Variants in PDE3B observed in about 807,000 individuals in gnomAD.
The protein encoded by PDE3B is phosphodiesterase 3B.
PDE3B carries 66 observed loss-of-function variants against 116.8 expected under a neutral mutation model. That is an observed-to-expected ratio of 0.56 (90% CI 0.46 to 0.69). PDE3B has a LOEUF of 0.69. PDE3B is among the 30% of genes least tolerant of loss of function. The pLI, the probability that PDE3B is intolerant of heterozygous loss-of-function variation, is 0.00. For missense variants in PDE3B, 1,384 were observed against 1,368.1 expected (o/e 1.01, Z -0.18); for synonymous variants, 595 against 533.6 (o/e 1.12, Z -1.59).
At chr11:14,884,236 G>A in the PDE3B span, among the ~76,000 whole-genome samples, 1 of 151,912 alleles carries the variant, frequency 6.6e-6, no homozygotes, top group Admixed American at 6.6e-5. Flanking sequence ...GCACACATAT[G>A]TTTATTGCGG....
At chr11:14,861,100 C>A in intron 13 of PDE3B, 105 bp from the exon 14 acceptor site, 1 of 796,182 alleles carries the variant, frequency 1.3e-6, no homozygotes. Context: ...TTCTTTCTGT[C>A]ATTTAGACAG....
At chr11:14,761,976 T>G (rs1857371605) in intron 1 of PDE3B, among the ~76,000 whole-genome samples, 1 of 152,158 alleles carries the variant, frequency 6.6e-6, no homozygotes, top group Non-Finnish European at 1.5e-5. Context: ...TTTTCTTTAA[T>G]ATCCATATCT....
Position 14,843,817 on chromosome 11 carries a change from T to G in PDE3B, c.2321-10T>G. On this transcript the variant is annotated splice_polypyrimidine_tract_variant and intron_variant, in intron 11 of 15. Coordinates refer to ENST00000282096, the MANE Select transcript of PDE3B (RefSeq NM_000922.4). ...AATGCTGGTTTATTTTGCTATTTATTGTTTCTCAGATTCTGATGGTAGAAT... is the reference window on the plus strand; with the variant it reads ...AATGCTGGTTTATTTTGCTATTTATGGTTTCTCAGATTCTGATGGTAGAAT... 1 of 1,609,230 alleles carries G rather than the reference T, an allele frequency of 6.2e-7. No homozygotes were observed. Among genetic ancestry groups the G allele is most frequent in the Non-Finnish European group, 8.5e-7 (1 of 1,175,574 alleles).
chr11:14,804,936 T>C (rs1858875817), intron 5 of PDE3B, among the ~76,000 whole-genome samples: 1 of 151,966 alleles, frequency 6.6e-6, no homozygotes, highest in Admixed American at 6.6e-5. Context: ...ACAAAAGTAG[T>C]GAACTTGAAG....
At chr11:14,789,499 T>A (rs534242042) in intron 4 of PDE3B, among the ~76,000 whole-genome samples, 1 of 152,058 alleles carries the variant, frequency 6.6e-6, no homozygotes, top group Admixed American at 6.6e-5. Flanking sequence ...TTTAGGGAAA[T>A]CAGGATCAAC....
chr11:14,649,095 A>G (rs1305434634), intron 1 of PDE3B, among the ~76,000 whole-genome samples: 1 of 152,200 alleles, frequency 6.6e-6, no homozygotes, highest in African/African-American at 2.4e-5. Flanking sequence ...TTGTTTTTAT[A>G]CACTTAGTAG....
chr11:14,814,612 G>C (rs1194509112), intron 5 of PDE3B, among the ~76,000 whole-genome samples: 1 of 152,046 alleles, frequency 6.6e-6, no homozygotes, highest in Non-Finnish European at 1.5e-5. Flanking sequence ...TTACCATATG[G>C]GATTAGATGA....
intron 1 of PDE3B, chr11:14,701,024 T>A (rs1855345657): frequency 1.3e-5 from 2 of 151,846 alleles, no homozygotes; most frequent in African/African-American, 4.8e-5. Flanking sequence ...ATGTACATAA[T>A]ATTTCTGTGA....
intron 2 of PDE3B, among the ~76,000 whole-genome samples, chr11:14,779,954 A>G (rs1857928444): frequency 6.6e-6 from 1 of 152,030 alleles, no homozygotes; most frequent in African/African-American, 2.4e-5. Context: ...TAGGCTCAAA[A>G]TAAAGGGATG....
Position 14,820,641 on chromosome 11 carries a change from G to A in PDE3B, c.1807+1432G>A, listed in dbSNP as rs1271341307. On this transcript the variant is annotated intron_variant, in intron 7 of 15. Transcript: ENST00000282096. The stretch of plus-strand genomic sequence containing the variant: ...TCGAAATCCTATACCCTGATATGAC[G>A]GTATTGGGAGGTAAGGCCTTTGGGA... Among the ~76,000 whole-genome samples the A allele has an allele frequency of 2.6e-5, 4 of 152,186 alleles. 1 individual carries two copies. In the Middle Eastern group the frequency reaches 0.01, roughly 388 times the overall value.
intron 1 of PDE3B, among the ~76,000 whole-genome samples, chr11:14,671,835 T>G (rs1854376132): frequency 6.6e-6 from 1 of 151,606 alleles, no homozygotes. Context: ...TGAGACCAGT[T>G]TGGGCAACAT....
rs181395491 is a variant in PDE3B, at chr11:14,808,466, A to T, written c.1522+4416A>T. 1.8e-3 allele frequency among the ~76,000 whole-genome samples: 280 copies of T among 152,348 alleles called. 1 individual carries two copies. Among genetic ancestry groups the T allele is most frequent in the African/African-American group, 6.3e-3 (264 of 41,592 alleles). ...AGAAATTATCCCTGAAGTGGATTGG[A>T]TTTTAGACTTAGTATAAAACAAAAC... On this transcript the variant is annotated intron_variant, in intron 5 of 15. Coordinates refer to ENST00000282096, the MANE Select transcript of PDE3B (RefSeq NM_000922.4).
At chr11:14,879,052 T>C in the PDE3B span, 1 of 1,298,302 alleles carries the variant, frequency 7.7e-7, no homozygotes, top group Non-Finnish European at 1.1e-6. Context: ...ATTAAGATGC[T>C]GTATCTAATG....
intron 1 of PDE3B, among the ~76,000 whole-genome samples, chr11:14,709,140 G>A (rs1242865321): frequency 6.6e-6 from 1 of 152,008 alleles, no homozygotes; most frequent in Non-Finnish European, 1.5e-5. Flanking sequence ...TGGATTGGAT[G>A]TTAGAACTGT....
At chr11:14,743,091 G>A (rs1253345016) in intron 1 of PDE3B, among the ~76,000 whole-genome samples, 3 of 152,182 alleles carry the variant, frequency 2.0e-5, no homozygotes, top group African/African-American at 7.2e-5. Context: ...GAGCTTGAGC[G>A]CTGTGTTGGG....
chr11:14,838,274 C>T (rs552637348), intron 11 of PDE3B, among the ~76,000 whole-genome samples: 2 of 152,158 alleles, frequency 1.3e-5, no homozygotes, highest in East Asian at 3.9e-4. Context: ...CCACTGTGCC[C>T]GGCCAAGAAA....
chr11:14,711,869 C>A (rs1855713304), intron 1 of PDE3B, among the ~76,000 whole-genome samples: 1 of 152,166 alleles, frequency 6.6e-6, no homozygotes, highest in Non-Finnish European at 1.5e-5. Flanking sequence ...TGGCCGTATT[C>A]ACTTGGAAGT....
chr11:14,739,806 G>T (rs1301186786), intron 1 of PDE3B, among the ~76,000 whole-genome samples: 2 of 152,126 alleles, frequency 1.3e-5, no homozygotes, highest in Non-Finnish European at 2.9e-5. Flanking sequence ...AGAGTTTTTA[G>T]CATGAAGGGG....
chr11:14,733,232 T>C (rs547594559), intron 1 of PDE3B, among the ~76,000 whole-genome samples: 2 of 152,320 alleles, frequency 1.3e-5, no homozygotes, highest in South Asian at 2.1e-4. Flanking sequence ...GTCAGTTGTA[T>C]TGAAAGATTA....
Sources: gnomAD v4.1 joint callset for allele counts (sites outside exome capture counted in the v4.1 genomes callset) on GRCh38, gnomAD v4.1.1 for gene constraint, MANE v1.5 for transcripts, NCBI Gene and HGNC (gene_info 2026-07-23, HGNC 2026-07-21) for gene names.